The following TPR variants were observed in gnomAD, a reference collection of about 807,000 sequenced individuals.
The protein encoded by TPR is nucleoprotein TPR.
A neutral mutation model predicts 316.1 loss-of-function variants in TPR; 51 were observed. The observed-to-expected ratio is 0.16, with a 90% CI of 0.13 to 0.20. The LOEUF (loss-of-function observed/expected upper bound fraction) is 0.20, where lower values mean the gene tolerates loss of function less well. TPR is among the 10% of genes least tolerant of loss of function. The pLI, the probability that TPR is intolerant of heterozygous loss-of-function variation, is 1.00. For synonymous variants in TPR, 981 were observed against 914.7 expected (o/e 1.07, Z -1.31); for missense variants, 2,272 against 2,754.8 (o/e 0.82, Z 3.92).
intron 30 of TPR, 37 bp downstream of exon 30, chr1:186,339,605 T>TTA (rs761834604): frequency 1.4e-6 from 2 of 1,434,694 alleles, no homozygotes; most frequent in Admixed American, 5.3e-5. Flanking sequence ...TAAACTTCTT[T>TTA]TATATTATAT....
intron 24 of TPR, 49 bp from the exon 25 acceptor site, chr1:186,344,627 A>G: frequency 6.4e-6 from 9 of 1,405,562 alleles, no homozygotes; most frequent in Non-Finnish European, 8.4e-6. Flanking sequence ...AAATCCATAA[A>G]ACTAGTTAGC....
chr1:186,322,639 A>T, intron 43 of TPR, 53 bp from the exon 44 acceptor site: 5 of 1,557,934 alleles, frequency 3.2e-6, no homozygotes, highest in Non-Finnish European at 4.4e-6. Flanking sequence ...AGGCAATGAA[A>T]CAAACACCAA....
chr1:186,312,228 GGAA>G lies in TPR; in HGVS notation c.*1740_*1742del. 6.2e-7 allele frequency: 1 copy of G among 1,613,998 alleles called. No homozygotes were observed. The highest frequency in any genetic ancestry group is 1.1e-5 in the South Asian group (1 of 91,066). On this transcript the variant is annotated 3_prime_UTR_variant, in exon 51 of 51. Coordinates refer to ENST00000367478, the MANE Select transcript of TPR (RefSeq NM_003292.3). Reference sequence around the variant, plus strand: ...ACAGGAACCTGTACAGAAGTGCCCTGGAAGAAGGCCTGCTCTAAATTATCCAGT... The same window carrying G: ...ACAGGAACCTGTACAGAAGTGCCCTGGAAGGCCTGCTCTAAATTATCCAGT...
chr1:186,332,382 T>C, intron 37 of TPR, 39 bp from the exon 38 acceptor site: 3 of 1,600,816 alleles, frequency 1.9e-6, no homozygotes, highest in African/African-American at 1.3e-5. Context: ...AGCATGATAA[T>C]AACTCAATTT....
intron 3 of TPR, 55 bp from the exon 4 acceptor site, chr1:186,368,037 C>A (rs546184668): frequency 1.5e-6 from 2 of 1,295,198 alleles, no homozygotes; most frequent in South Asian, 1.2e-5. Flanking sequence ...TACAGGAAAG[C>A]GAACATAGAA....
intron 39 of TPR, among the ~76,000 whole-genome samples, chr1:186,331,002 T>C (rs552379803): frequency 2.7e-4 from 41 of 152,266 alleles, no homozygotes; most frequent in Non-Finnish European, 4.6e-4. Flanking sequence ...TGACACCTCA[T>C]GCTTTGTAAC....
At chr1:186,343,880 A>C in intron 26 of TPR, 26 bp downstream of exon 26, 1 of 1,583,636 alleles carries the variant, frequency 6.3e-7, no homozygotes, top group Non-Finnish European at 8.6e-7. Flanking sequence ...ATACCACAGA[A>C]ATGAAGCAGT....
chr1:186,346,638 A>G (rs541073593), intron 22 of TPR, among the ~76,000 whole-genome samples: 25 of 152,292 alleles, frequency 1.6e-4, no homozygotes, highest in African/African-American at 6.0e-4. Context: ...GATGTCAACC[A>G]CAAAAGGATC....
Position 186,364,511 on chromosome 1 carries a change from G to A in TPR, c.428-1066C>T, listed in dbSNP as rs199653659. Among the ~76,000 whole-genome samples the A allele has an allele frequency of 7.9e-5, 12 of 152,226 alleles. No homozygotes were observed. The East Asian group carries it at 2.3e-3, about 29-fold the overall frequency. On this transcript the variant is annotated intron_variant, in intron 4 of 50. Transcript: ENST00000367478. ...ATTGAAAATGCAGCTTTTATGGGGTGCAGGATTGCTATCACATACCTATAG... is the reference window on the plus strand; with the variant it reads ...ATTGAAAATGCAGCTTTTATGGGGTACAGGATTGCTATCACATACCTATAG...
chr1:186,344,940 A>G lies in TPR; in HGVS notation c.3214-362T>C, dbSNP rs552070098. On this transcript the variant is annotated intron_variant, in intron 24 of 50. Transcript: ENST00000367478. ...TATACACGTCACATATATATAGGCA[A>G]TAAAGAATAGTAAGCAAATGAATAG... is the stretch of plus-strand genomic sequence containing the variant. Among the ~76,000 whole-genome samples the G allele has an allele frequency of 4.6e-5, 7 of 152,310 alleles. No homozygotes were observed. The South Asian group carries it at 1.4e-3, about 32-fold the overall frequency.
chr1:186,372,163 T>C (rs1311143272), intron 2 of TPR, among the ~76,000 whole-genome samples: 5 of 152,208 alleles, frequency 3.3e-5, no homozygotes, highest in African/African-American at 1.2e-4. Flanking sequence ...CATGGACCCA[T>C]TAAGAAGGAA....
chr1:186,313,688 C>T lies in TPR; in HGVS notation c.*283G>A, dbSNP rs1657450091. The T allele has an allele frequency of 5.0e-6, 8 of 1,587,512 alleles. No individual in the cohort carries two copies. In the South Asian group the frequency reaches 7.7e-5, roughly 15 times the overall value. Reference sequence around the variant, plus strand: ...GTTTTCTCTTCCATTTAGATCAATACTATAACATTGATGTGCCTAGTAGAA... The same window carrying T: ...GTTTTCTCTTCCATTTAGATCAATATTATAACATTGATGTGCCTAGTAGAA... On this transcript the variant is annotated 3_prime_UTR_variant, in exon 51 of 51. Coordinates refer to ENST00000367478, the MANE Select transcript of TPR (RefSeq NM_003292.3).
intron 3 of TPR, among the ~76,000 whole-genome samples, chr1:186,369,618 T>C (rs1659458285): frequency 1.3e-5 from 2 of 152,148 alleles, no homozygotes; most frequent in South Asian, 4.1e-4. Flanking sequence ...TAAATTCACT[T>C]ATTAGCTCTG....
chr1:186,344,313 A>G, intron 25 of TPR, 62 bp downstream of exon 25: 3 of 1,566,520 alleles, frequency 1.9e-6, no homozygotes, highest in African/African-American at 1.4e-5. Context: ...AACATTATAA[A>G]ATAAAGAAAA....
chr1:186,313,765 AC>A lies in TPR; in HGVS notation c.*205del. 6.2e-7 allele frequency: 1 copy of A among 1,603,372 alleles called. No individual in the cohort carries two copies. Among genetic ancestry groups the A allele is most frequent in the South Asian group, 1.1e-5 (1 of 90,846 alleles). The stretch of plus-strand genomic sequence containing the variant: ...GGGCAGACCTTATCCAAAGTCTGGT[AC>A]AACTGTCCTTAGACTGATGAGCAAA... On this transcript the variant is annotated 3_prime_UTR_variant, in exon 51 of 51. Transcript: ENST00000367478.
chr1:186,349,212 G>A (rs1364750470), intron 21 of TPR, among the ~76,000 whole-genome samples: 1 of 152,210 alleles, frequency 6.6e-6, no homozygotes, highest in Non-Finnish European at 1.5e-5. Context: ...TTATAATGAA[G>A]TGTTGAGTAT....
chr1:186,334,039 G>A (rs1658265911), intron 36 of TPR, among the ~76,000 whole-genome samples: 1 of 152,124 alleles, frequency 6.6e-6, no homozygotes, highest in South Asian at 2.1e-4. Flanking sequence ...AGAGTGTCAT[G>A]GGAAAAAATT....
intron 20 of TPR, among the ~76,000 whole-genome samples, chr1:186,350,850 CAG>C (rs1658839954): frequency 6.6e-6 from 1 of 152,110 alleles, no homozygotes; most frequent in Non-Finnish European, 1.5e-5. Flanking sequence ...TTACCCCAGA[CAG>C]GGGAAGAATT....
intron 13 of TPR, 116 bp downstream of exon 13, chr1:186,358,427 C>A: frequency 2.8e-6 from 2 of 714,572 alleles, no homozygotes; most frequent in Non-Finnish European, 4.5e-6. Context: ...AGTACTATTC[C>A]TAATTAATTA....
Sources: allele counts gnomAD v4.1 joint callset (sites outside exome capture counted in the v4.1 genomes callset), GRCh38; gene constraint gnomAD v4.1.1; transcripts MANE v1.5; gene names NCBI Gene and HGNC (gene_info 2026-07-23, HGNC 2026-07-21).